The following SPP2 variants were observed in gnomAD, a reference collection of about 807,000 sequenced individuals.
SPP2 encodes the protein secreted phosphoprotein 2.
A neutral mutation model predicts 28.8 loss-of-function variants in SPP2; 34 were observed. The observed-to-expected ratio is 1.18, with a 90% CI of 0.90 to 1.57. The LOEUF (loss-of-function observed/expected upper bound fraction) is 1.57. SPP2 is among the 40% of genes most tolerant of loss of function. The pLI is 0.00. For missense variants in SPP2, 269 were observed against 263.9 expected, an observed-to-expected ratio of 1.02 and a Z score of -0.13; for synonymous variants, 96 against 89.4, an observed-to-expected ratio of 1.07 and a Z score of -0.42.
At chr2:234,062,088 T>A (rs1693730214) in intron 4 of SPP2, among the ~76,000 whole-genome samples, 1 of 152,186 alleles carries the variant, frequency 6.6e-6, no homozygotes, top group Admixed American at 6.5e-5. Flanking sequence ...TTGTGGTTCA[T>A]ATGAGAAAAA....
chr2:234,051,166 T>C, intron 2 of SPP2, 71 bp downstream of exon 2: 1 of 1,557,794 alleles, frequency 6.4e-7, no homozygotes, highest in Non-Finnish European at 8.7e-7. Context: ...TCATTGGATA[T>C]ACTTTTAAGA....
chr2:234,050,949 C>T (rs201068672), intron 1 of SPP2, 22 bp from the exon 2 acceptor site: 10 of 1,613,842 alleles, frequency 6.2e-6, no homozygotes, highest in Non-Finnish European at 8.5e-6. Context: ...TCTCACTGTG[C>T]CCCATGTGCT....
intron 7 of SPP2, among the ~76,000 whole-genome samples, chr2:234,076,275 C>T (rs1236226852): frequency 3.9e-5 from 6 of 152,112 alleles, no homozygotes; most frequent in East Asian, 1.9e-4. Context: ...ACTGTTCTCC[C>T]GGGGTCCCAG....
At chr2:234,064,397 T>C (rs1693778369) in intron 4 of SPP2, among the ~76,000 whole-genome samples, 1 of 152,216 alleles carries the variant, frequency 6.6e-6, no homozygotes, top group Non-Finnish European at 1.5e-5. Context: ...CATTTCTCTC[T>C]GCTGCCAGTT....
intron 2 of SPP2, among the ~76,000 whole-genome samples, chr2:234,056,572 T>C (rs3771331): frequency 0.34 from 51,884 of 152,000 alleles, 9,149 homozygotes; most frequent in South Asian, 0.5. Context: ...CCCAAAAAAC[T>C]CACATTTTCA....
At chr2:234,062,218 G>C (rs1486415087) in intron 4 of SPP2, among the ~76,000 whole-genome samples, 1 of 152,204 alleles carries the variant, frequency 6.6e-6, no homozygotes, top group Non-Finnish European at 1.5e-5. Flanking sequence ...GGGCCACATA[G>C]TGAGAGGAAT....
At chr2:234,060,253 GAA>G in intron 3 of SPP2, 114 bp from the exon 4 acceptor site, 3 of 705,646 alleles carry the variant, frequency 4.3e-6, no homozygotes, top group Non-Finnish European at 7.4e-6. Flanking sequence ...ATGCCTCTGT[GAA>G]GTTTTTCTTT....
chr2:234,066,313 G>A (rs1369252568), intron 4 of SPP2, among the ~76,000 whole-genome samples: 1 of 151,996 alleles, frequency 6.6e-6, no homozygotes, highest in Non-Finnish European at 1.5e-5. Flanking sequence ...AAGATCTGTG[G>A]GTAATTTAAA....
intron 6 of SPP2, among the ~76,000 whole-genome samples, chr2:234,069,250 A>G (rs1486940836): frequency 6.6e-6 from 1 of 152,188 alleles, no homozygotes; most frequent in Non-Finnish European, 1.5e-5. Context: ...CAGAAGACAC[A>G]GTCTTTTATA....
chr2:234,076,270 T>C lies in SPP2; in HGVS notation c.*11-575T>C, dbSNP rs560160448. Among the ~76,000 whole-genome samples, 55 of 152,146 alleles carry C rather than the reference T, an allele frequency of 3.6e-4. No homozygotes were observed. In the South Asian group the frequency reaches 0.011, roughly 29 times the overall value. ...GGGAGAACCTCACACAGCTGACTGTTCTCCCGGGGTCCCAGTCTGGGTCTC... is the reference window on the plus strand; with the variant it reads ...GGGAGAACCTCACACAGCTGACTGTCCTCCCGGGGTCCCAGTCTGGGTCTC... On this transcript the variant is annotated intron_variant, in intron 7 of 7. Coordinates refer to ENST00000168148, the MANE Select transcript of SPP2 (RefSeq NM_006944.3).
In SPP2 at chr2:234,067,203, A is replaced by G. The variant is rs1021469869; in HGVS notation, c.500-21A>G. On this transcript the variant is annotated intron_variant, in intron 5 of 7. Transcript: ENST00000168148. Reference sequence around the variant, plus strand: ...GGAACAGTGAGAGGAGTCTTGTCTTATGATTATTACTGTGTTACAGGTCTC... The same window carrying G: ...GGAACAGTGAGAGGAGTCTTGTCTTGTGATTATTACTGTGTTACAGGTCTC... The G allele has an allele frequency of 5.0e-6, 8 of 1,610,058 alleles. No homozygotes were observed. The Admixed American group carries it at 1.0e-4, about 20-fold the overall frequency.
Position 234,051,062 on chromosome 2 carries a change from T to C in SPP2, c.177T>C (p.Tyr59=). The change falls in exon 2 of 8, where the codon TAT becomes TAC. Residue 59 remains tyrosine, a synonymous_variant. Coordinates refer to ENST00000168148, the MANE Select transcript of SPP2 (RefSeq NM_006944.3). ...TGAATTCCCAGTCACTGAGTCCGTA[T>C]CTGTTTCGGGCATTCAGAAGCTCAT... ...VKVNSQSLSP[Y]LFRAFRSSLK... 4 of 1,614,006 alleles carry C rather than the reference T, an allele frequency of 2.5e-6. No individual in the cohort carries two copies. Among genetic ancestry groups the C allele is most frequent in the Non-Finnish European group, 3.4e-6 (4 of 1,179,930 alleles).
At chr2:234,069,846 A>G (rs1469103944) in intron 6 of SPP2, 82 bp from the exon 7 acceptor site, 2 of 1,121,242 alleles carry the variant, frequency 1.8e-6, no homozygotes, top group African/African-American at 1.5e-5. Flanking sequence ...AATCCTCCTC[A>G]TTAATTTGTA....
intron 2 of SPP2, among the ~76,000 whole-genome samples, chr2:234,052,531 C>T (rs540597239): frequency 1.3e-4 from 20 of 152,334 alleles, no homozygotes; most frequent in African/African-American, 4.6e-4. Flanking sequence ...TTGTGAGGCA[C>T]AGCCACCAGA....
chr2:234,050,719 G>A lies in SPP2; in HGVS notation c.-68G>A, dbSNP rs1693471223. On this transcript the variant is annotated 5_prime_UTR_variant, in exon 1 of 8. Transcript: ENST00000168148. ...AAGCAGCCAGTGTTTGATAAAGACA[G>A]CTCCTCTTAGGAAGAACTGTCATCC... 2 of 1,371,896 alleles carry A rather than the reference G, an allele frequency of 1.5e-6. No individual in the cohort carries two copies. The highest frequency in any genetic ancestry group is 1.0e-6 in the Non-Finnish European group (1 of 964,982). The allele number at this position is 1,371,896 out of a possible 1,614,324, so 85.0% of individuals were successfully genotyped here. A position where few individuals can be genotyped will look rare whatever the true frequency, so the allele number is the denominator to read the frequency against.
intron 3 of SPP2, 23 bp downstream of exon 3, chr2:234,058,981 C>A (rs1693664816): frequency 1.9e-6 from 3 of 1,597,770 alleles, no homozygotes; most frequent in Admixed American, 1.8e-5. Flanking sequence ...AGACCCATCC[C>A]AGAAATGAAC....
chr2:234,064,274 C>T (rs553270974), intron 4 of SPP2, among the ~76,000 whole-genome samples: 1 of 150,298 alleles, frequency 6.7e-6, no homozygotes, highest in South Asian at 2.1e-4. Context: ...TGTCACTGTG[C>T]CTTCTGCACT....
Position 234,074,125 on chromosome 2 carries a change from T to C in SPP2, c.*11-2720T>C, listed in dbSNP as rs569959200. On this transcript the variant is annotated intron_variant, in intron 7 of 7. Transcript: ENST00000168148. ...TAATGTTGGGATTGGAATTGAACTC[T>C]TGATGTCTGTCTGTTTCCAAAGCCT... Among the ~76,000 whole-genome samples, 3 of 152,318 alleles carry C rather than the reference T, an allele frequency of 2.0e-5. No homozygotes were observed. The South Asian group carries it at 6.2e-4, about 32-fold the overall frequency.
intron 2 of SPP2, among the ~76,000 whole-genome samples, chr2:234,058,551 A>C (rs1693653640): frequency 6.6e-6 from 1 of 152,222 alleles, no homozygotes; most frequent in South Asian, 2.1e-4. Context: ...AACAGTGAGG[A>C]TCAATTGTCA....
Sources: allele counts gnomAD v4.1 joint callset (sites outside exome capture counted in the v4.1 genomes callset), GRCh38; gene constraint gnomAD v4.1.1; transcripts MANE v1.5; gene names NCBI Gene and HGNC (gene_info 2026-07-23, HGNC 2026-07-21).